GIGYF2: variants seen among roughly 807,000 people sequenced by gnomAD.
GIGYF2 encodes GRB10-interacting GYF protein 2.
GIGYF2 carries 25 observed loss-of-function variants against 208.1 expected under a neutral mutation model. The ratio of observed to expected loss-of-function variants is 0.12; its 90% CI spans 0.09 to 0.17. The LOEUF is 0.17. GIGYF2 is among the 10% of genes least tolerant of loss of function. GIGYF2 has a pLI of 1.00. For missense variants in GIGYF2, 1,302 were observed against 1,579.4 expected, an observed-to-expected ratio of 0.82 and a Z score of 2.98; for synonymous variants, 534 against 543.8, an observed-to-expected ratio of 0.98 and a Z score of 0.25.
At chr2:232,786,354 C>T (rs1699907871) in intron 8 of GIGYF2, among the ~76,000 whole-genome samples, 1 of 152,202 alleles carries the variant, frequency 6.6e-6, no homozygotes, top group Non-Finnish European at 1.5e-5. Context: ...TCTCCTGCCT[C>T]AGCCTCCTGA....
chr2:232,768,163 AT>A, intron 8 of GIGYF2: 1 of 1,611,322 alleles, frequency 6.2e-7, no homozygotes, highest in Non-Finnish European at 8.5e-7. Context: ...GGCTGGGTGT[AT>A]TTAATACATT....
intron 8 of GIGYF2, chr2:232,782,879 C>T (rs1007121785): frequency 5.3e-5 from 8 of 151,950 alleles, no homozygotes; most frequent in Admixed American, 1.3e-4. Flanking sequence ...ATTGGGAGGA[C>T]GCATGAAGAT....
At chr2:232,809,944 C>T (rs555493878) in intron 16 of GIGYF2, 133 bp downstream of exon 16, 13 of 691,920 alleles carry the variant, frequency 1.9e-5, no homozygotes, top group Middle Eastern at 2.7e-4. Flanking sequence ...CAGCTAGTGG[C>T]GTCTTGCCAC....
At chr2:232,812,201 T>G (rs374225388) in intron 17 of GIGYF2, among the ~76,000 whole-genome samples, 190 bp from the exon 18 acceptor site, 1 of 152,172 alleles carries the variant, frequency 6.6e-6, no homozygotes, top group African/African-American at 2.4e-5. Context: ...ATTCCAGAAG[T>G]GTGATCATTG....
chr2:232,732,152 C>G (rs549727301), intron 2 of GIGYF2, among the ~76,000 whole-genome samples: 2 of 152,258 alleles, frequency 1.3e-5, no homozygotes, highest in South Asian at 4.1e-4. Flanking sequence ...ACTCTGTCAT[C>G]AATTTAAAAT....
chr2:232,700,360 CTT>C (rs1273201882), intron 1 of GIGYF2, among the ~76,000 whole-genome samples: 2 of 152,114 alleles, frequency 1.3e-5, no homozygotes, highest in African/African-American at 4.8e-5. Context: ...CATATTGTCT[CTT>C]CTCTTTTTGT....
chr2:232,786,071 C>T (rs1475324732), intron 8 of GIGYF2, among the ~76,000 whole-genome samples: 1 of 152,110 alleles, frequency 6.6e-6, no homozygotes, highest in Non-Finnish European at 1.5e-5. Flanking sequence ...TGATCTTGTC[C>T]TTTTAAAATA....
intron 3 of GIGYF2, among the ~76,000 whole-genome samples, chr2:232,740,801 A>C (rs1697942324): frequency 6.6e-6 from 1 of 152,204 alleles, no homozygotes; most frequent in African/African-American, 2.4e-5. Flanking sequence ...GAAAAAGGAG[A>C]GAAGTTCTGG....
chr2:232,752,999 T>C (rs188332816), intron 5 of GIGYF2, among the ~76,000 whole-genome samples: 4 of 152,278 alleles, frequency 2.6e-5, no homozygotes, highest in African/African-American at 9.6e-5. Context: ...TCAGGGGTGC[T>C]TATGGTGTCT....
chr2:232,756,155 A>G, intron 5 of GIGYF2, 68 bp from the exon 6 acceptor site: 1 of 815,304 alleles, frequency 1.2e-6, no homozygotes, highest in South Asian at 1.9e-5. Context: ...ATGTAGTTTT[A>G]TCTGTTTCAT....
chr2:232,803,673 T>G (rs1355576975), intron 14 of GIGYF2, among the ~76,000 whole-genome samples: 1 of 64,738 alleles, frequency 1.5e-5, no homozygotes, highest in African/African-American at 9.5e-5. Flanking sequence ...TATTTCTGCT[T>G]CTTTTTTTTT....
chr2:232,729,423 CTT>C (rs1697350980), intron 2 of GIGYF2: 2 of 591,546 alleles, frequency 3.4e-6, no homozygotes, highest in Non-Finnish European at 5.2e-6. Context: ...ATGCAGGTCT[CTT>C]TATTTGATAA....
Position 232,768,763 on chromosome 2 carries a change from G to T in GIGYF2, c.532+7327G>T, listed in dbSNP as rs147221151. 6 of 1,599,630 alleles carry T rather than the reference G, an allele frequency of 3.8e-6. No individual in the cohort carries two copies. The highest frequency in any genetic ancestry group is 4.5e-5 in the East Asian group (2 of 44,544). Reference sequence around the variant, plus strand: ...GCTACTACTGCTGTGTCAGTAAAGCGAATTGAAAAAGCTCGATTTTTTGGC... The same window carrying T: ...GCTACTACTGCTGTGTCAGTAAAGCTAATTGAAAAAGCTCGATTTTTTGGC... On this transcript the variant is annotated intron_variant, in intron 8 of 28. Coordinates refer to ENST00000373563, the MANE Select transcript of GIGYF2 (RefSeq NM_001103146.3).
intron 5 of GIGYF2, among the ~76,000 whole-genome samples, chr2:232,755,172 T>TGTTTTTTTGAGAC (rs1358828469): frequency 2.0e-5 from 3 of 152,122 alleles, no homozygotes; most frequent in African/African-American, 7.2e-5. Context: ...ACCTTACTTC[T>TGTTTTTTTGAGAC]TTCTTTCTGT....
intron 8 of GIGYF2, 112 bp from the exon 9 acceptor site, chr2:232,787,038 A>T: frequency 1.3e-6 from 1 of 765,182 alleles, no homozygotes; most frequent in Admixed American, 2.0e-5. Context: ...TTTTTTTCTG[A>T]ATATTGAAAT....
At position 232,820,769 on chromosome 2, in the gene GIGYF2, G is replaced by A. The variant is rs373735693; in HGVS notation, c.2529+784G>A. Among the ~76,000 whole-genome samples the A allele has an allele frequency of 1.2e-4, 19 of 152,196 alleles. No individual in the cohort carries two copies. In the South Asian group the frequency reaches 1.9e-3, roughly 15 times the overall value. ...ATGTTTTTGGGATCTATGTTAAGGA[G>A]CGTAAATGTATGGATTTATTTCTAG... On this transcript the variant is annotated intron_variant, in intron 21 of 28. Coordinates refer to ENST00000373563, the MANE Select transcript of GIGYF2 (RefSeq NM_001103146.3).
chr2:232,770,848 T>A, intron 8 of GIGYF2: 1 of 1,255,368 alleles, frequency 8.0e-7, no homozygotes, highest in South Asian at 1.2e-5. Flanking sequence ...ACACCTGTAG[T>A]TTTGTTTTGT....
At chr2:232,728,038 G>A (rs1250236250) in intron 2 of GIGYF2, among the ~76,000 whole-genome samples, 1 of 152,180 alleles carries the variant, frequency 6.6e-6, no homozygotes, top group Non-Finnish European at 1.5e-5. Flanking sequence ...TCCAGAGGGA[G>A]CAGTGCTTTT....
In GIGYF2 at chr2:232,728,926, CTTTCCT is replaced by C. The variant is rs570054752; in HGVS notation, c.-43-6206_-43-6201del. On this transcript the variant is annotated intron_variant, in intron 2 of 28. Transcript: ENST00000373563. ...TGAATTGCTTTATAAACTCAGAGAC[CTTTCCT>C]TTTCCTTTTCCTTTTCCTTTTCTCT... 6.5e-4 allele frequency among the ~76,000 whole-genome samples: 98 copies of C among 151,322 alleles called. 1 individual carries two copies. Among genetic ancestry groups the C allele is most frequent in the East Asian group, 5.0e-3 (26 of 5,180 alleles).
Sources: gnomAD v4.1 joint callset for allele counts (sites outside exome capture counted in the v4.1 genomes callset) on GRCh38, gnomAD v4.1.1 for gene constraint, MANE v1.5 for transcripts, NCBI Gene and HGNC (gene_info 2026-07-23, HGNC 2026-07-21) for gene names.